PCDHA2: variants seen among roughly 807,000 people sequenced by gnomAD.
PCDHA2 encodes protocadherin alpha-2.
In PCDHA2, 58 loss-of-function variants were observed where a neutral mutation model predicts 66.0. The ratio of observed to expected loss-of-function variants is 0.88; its 90% CI spans 0.71 to 1.09. The LOEUF (loss-of-function observed/expected upper bound fraction) is 1.09. Ranked by LOEUF, PCDHA2 falls within the 50% of genes least tolerant of loss-of-function variation. The pLI is 0.00. For synonymous variants in PCDHA2, 634 were observed against 554.0 expected, an observed-to-expected ratio of 1.14 and a Z score of -2.03; for missense variants, 1,267 against 1,242.3, an observed-to-expected ratio of 1.02 and a Z score of -0.30.
At chr5:140,894,151 A>G (rs1554185957) in intron 1 of PCDHA2, among the ~76,000 whole-genome samples, 1 of 152,034 alleles carries the variant, frequency 6.6e-6, no homozygotes, top group Non-Finnish European at 1.5e-5. Flanking sequence ...CTTCTATGTA[A>G]TTATCCCTGA....
chr5:140,923,959 C>A (rs2153570659), intron 1 of PCDHA2, among the ~76,000 whole-genome samples: 1 of 152,348 alleles, frequency 6.6e-6, no homozygotes, highest in Non-Finnish European at 1.5e-5. Context: ...ACGCCCTAAT[C>A]TATACCCACA....
At chr5:140,848,823 G>C in intron 1 of PCDHA2, 1 of 1,590,794 alleles carries the variant, frequency 6.3e-7, no homozygotes, top group South Asian at 1.1e-5. Context: ...GGAGGTGATC[G>C]TAGACAGGCC....
At chr5:140,870,659 T>C (rs2052268691) in intron 1 of PCDHA2, 2 of 1,612,520 alleles carry the variant, frequency 1.2e-6, no homozygotes, top group Non-Finnish European at 1.7e-6. Flanking sequence ...GTGTACGCGC[T>C]GCAGCCGTTG....
At chr5:140,803,938 A>C in intron 1 of PCDHA2, 1 of 399,126 alleles carries the variant, frequency 2.5e-6, no homozygotes, top group South Asian at 3.7e-5. Context: ...TTATCCCTAT[A>C]CAATGCTTCT....
intron 1 of PCDHA2, among the ~76,000 whole-genome samples, chr5:140,925,206 G>A (rs576558414): frequency 1.3e-5 from 2 of 152,234 alleles, no homozygotes; most frequent in South Asian, 2.1e-4. Context: ...AATAATTATC[G>A]ATACTTTTAG....
intron 1 of PCDHA2, among the ~76,000 whole-genome samples, chr5:140,831,987 G>A (rs1349953832): frequency 2.6e-5 from 4 of 152,118 alleles, no homozygotes; most frequent in South Asian, 2.1e-4. Flanking sequence ...CTCTCATTAC[G>A]GATTCCATAT....
At chr5:140,846,373 CTTTT>C (rs374699051) in intron 1 of PCDHA2, among the ~76,000 whole-genome samples, 1 of 55,152 alleles carries the variant, frequency 1.8e-5, no homozygotes, top group Admixed American at 2.3e-4. Flanking sequence ...TTCTTTCTTT[CTTTT>C]TTTTTTTTTT....
intron 1 of PCDHA2, chr5:140,871,194 G>C (rs1391937650): frequency 3.1e-6 from 5 of 1,613,574 alleles, no homozygotes; most frequent in African/African-American, 1.3e-5. Flanking sequence ...ATGTCAACGT[G>C]TACCTGATCA....
intron 1 of PCDHA2, among the ~76,000 whole-genome samples, chr5:140,977,969 C>T (rs1554238945): frequency 6.6e-6 from 1 of 152,114 alleles, no homozygotes; most frequent in African/African-American, 2.4e-5. Context: ...AATCTCCGCC[C>T]ATGAAAACGC....
rs1762167506 is a variant in PCDHA2, at chr5:140,796,990, CCCAAGGCCTCGT to C, written c.2028_2039del (p.Lys677_Ser680del). On this transcript the variant is annotated inframe_deletion, in exon 1 of 4. Coordinates refer to ENST00000526136, the MANE Select transcript of PCDHA2 (RefSeq NM_018905.3). ...GTCGTTGGTGGAAAGTGGCCAGGCA[CCCAAGGCCTCGT>C]CGCGGGCGTGGGTGGGCGCCGCGGG... is the stretch of plus-strand genomic sequence containing the variant. The C allele has an allele frequency of 6.2e-7, 1 of 1,613,628 alleles. No individual in the cohort carries two copies. Among genetic ancestry groups the C allele is most frequent in the Admixed American group, 1.7e-5 (1 of 59,996 alleles).
intron 1 of PCDHA2, among the ~76,000 whole-genome samples, chr5:140,926,182 C>T (rs1041630365): frequency 2.6e-5 from 4 of 151,858 alleles, no homozygotes; most frequent in South Asian, 2.2e-4. Flanking sequence ...CGGAAAGCCC[C>T]CCGCAGCACT....
In PCDHA2 at chr5:140,800,809, G is replaced by A. The variant is rs563523527; in HGVS notation, c.2388+3457G>A. Among the ~76,000 whole-genome samples, 7 of 152,318 alleles carry A rather than the reference G, an allele frequency of 4.6e-5. No individual in the cohort carries two copies. In the East Asian group the frequency reaches 1.3e-3, roughly 29 times the overall value. On this transcript the variant is annotated intron_variant, in intron 1 of 3. Coordinates refer to ENST00000526136, the MANE Select transcript of PCDHA2 (RefSeq NM_018905.3). ...TTAAAACAGGAATCACAATATTTTA[G>A]TGTATGTCATGAATTAGCACAATTG...
At chr5:140,870,430 G>C (rs782773036) in intron 1 of PCDHA2, 6 of 1,614,226 alleles carry the variant, frequency 3.7e-6, no homozygotes, top group Non-Finnish European at 5.1e-6. Context: ...GGTATCCGTG[G>C]AGGTGGCCGA....
chr5:140,871,413 C>T (rs2053063966), intron 1 of PCDHA2: 5 of 1,613,884 alleles, frequency 3.1e-6, no homozygotes, highest in Admixed American at 1.7e-5. Context: ...ACCTCATGGC[C>T]TTCAGCCCCA....
At chr5:140,866,776 T>A (rs1554160548) in intron 1 of PCDHA2, 1 of 152,168 alleles carries the variant, frequency 6.6e-6, no homozygotes, top group African/African-American at 2.4e-5. Flanking sequence ...AGATTGTATG[T>A]CCTGACTGAT....
At chr5:140,924,837 G>A (rs1310509638) in intron 1 of PCDHA2, among the ~76,000 whole-genome samples, 2 of 151,426 alleles carry the variant, frequency 1.3e-5, no homozygotes, top group African/African-American at 4.9e-5. Flanking sequence ...GGAGGTTGCA[G>A]GGAGCTCAGA....
At chr5:140,972,983 AGATTCTGTGCATTTGT>A (rs1169514447) in intron 1 of PCDHA2, among the ~76,000 whole-genome samples, 1 of 152,102 alleles carries the variant, frequency 6.6e-6, no homozygotes, top group Admixed American at 6.6e-5. Flanking sequence ...ATCTTAAGGT[AGATTCTGTGCATTTGT>A]GGTCGTGGTG....
intron 1 of PCDHA2, chr5:140,823,975 G>A: frequency 1.2e-6 from 2 of 1,614,062 alleles, no homozygotes; most frequent in Non-Finnish European, 1.7e-6. Context: ...GTGCACACGG[G>A]GCAAGCCCAC....
At chr5:140,824,506 C>T (rs1362393009) in intron 1 of PCDHA2, 1 of 304,690 alleles carries the variant, frequency 3.3e-6, no homozygotes, top group Non-Finnish European at 6.1e-6. Flanking sequence ...GCTTAGTCTG[C>T]AGTGATCTGA....
Sources: allele counts gnomAD v4.1 joint callset (sites outside exome capture counted in the v4.1 genomes callset), GRCh38; gene constraint gnomAD v4.1.1; transcripts MANE v1.5; gene names NCBI Gene and HGNC (gene_info 2026-07-23, HGNC 2026-07-21).